Variants in RALGAPA2 observed in about 807,000 individuals in gnomAD.
RALGAPA2 encodes ral GTPase-activating protein subunit alpha-2.
RALGAPA2 carries 139 observed loss-of-function variants against 230.4 expected under a neutral mutation model. That is an observed-to-expected ratio of 0.60 (90% confidence interval 0.53 to 0.69). The LOEUF is 0.69. Among genes scored for constraint, RALGAPA2 ranks in the 30% least tolerant of loss-of-function variants. RALGAPA2 has a pLI of 0.00. For missense variants in RALGAPA2, 2,163 were observed against 2,276.0 expected, an observed-to-expected ratio of 0.95 and a Z score of 1.01; for synonymous variants, 847 against 837.8, an observed-to-expected ratio of 1.01 and a Z score of -0.19.
chr20:20,688,913 C>G (rs994108288), intron 1 of RALGAPA2, among the ~76,000 whole-genome samples: 7 of 152,168 alleles, frequency 4.6e-5, no homozygotes. Flanking sequence ...ACCCTAGATA[C>G]AGATGATAAA....
rs888426468 is a variant in RALGAPA2, at chr20:20,591,910, T to C, written c.2204-596A>G. 5.3e-5 allele frequency among the ~76,000 whole-genome samples: 8 copies of C among 152,284 alleles called. No homozygotes were observed. In the East Asian group the frequency reaches 5.8e-4, roughly 11 times the overall value. ...AAACCAATATATATGAGACATAAAA[T>C]AGAAAACCATAGCTGGGTAGGGACC... On this transcript the variant is annotated intron_variant, in intron 16 of 39. Transcript: ENST00000202677.
chr20:20,496,297 C>A (rs1602544354), intron 35 of RALGAPA2, among the ~76,000 whole-genome samples: 2 of 152,252 alleles, frequency 1.3e-5, no homozygotes, highest in East Asian at 3.9e-4. Flanking sequence ...GGTGTAAGAA[C>A]ACCCTTGATC....
At chr20:20,501,158 C>T (rs1478217389) in intron 35 of RALGAPA2, among the ~76,000 whole-genome samples, 2 of 152,234 alleles carry the variant, frequency 1.3e-5, no homozygotes, top group Non-Finnish European at 1.5e-5. Flanking sequence ...AAGTCACCAG[C>T]TGCATTAGCC....
At chr20:20,540,224 C>T (rs1416073430) in intron 24 of RALGAPA2, among the ~76,000 whole-genome samples, 1 of 152,122 alleles carries the variant, frequency 6.6e-6, no homozygotes, top group East Asian at 1.9e-4. Flanking sequence ...ACCTTCCCAC[C>T]AAAAGTGTAG....
chr20:20,660,702 C>T (rs968351735), intron 3 of RALGAPA2, among the ~76,000 whole-genome samples: 5 of 152,042 alleles, frequency 3.3e-5, no homozygotes, highest in Non-Finnish European at 7.4e-5. Flanking sequence ...GCTGTGTTCA[C>T]GATCATGCAT....
intron 37 of RALGAPA2, among the ~76,000 whole-genome samples, chr20:20,440,858 T>C (rs960039426): frequency 6.6e-6 from 1 of 152,240 alleles, no homozygotes; most frequent in Non-Finnish European, 1.5e-5. Context: ...AAATCAGTTA[T>C]TCATAAAAGA....
intron 23 of RALGAPA2, among the ~76,000 whole-genome samples, chr20:20,568,168 CTG>C (rs1280022446): frequency 6.6e-6 from 1 of 152,102 alleles, no homozygotes; most frequent in Non-Finnish European, 1.5e-5. Flanking sequence ...TATTTTGGAA[CTG>C]TTTATAATCC....
chr20:20,664,087 T>A (rs561829270), intron 3 of RALGAPA2, among the ~76,000 whole-genome samples: 17 of 152,318 alleles, frequency 1.1e-4, no homozygotes, highest in African/African-American at 3.8e-4. Context: ...ACCACACTAC[T>A]CAGAATGGCA....
chr20:20,507,586 A>C (rs1280423617), intron 33 of RALGAPA2, among the ~76,000 whole-genome samples: 1 of 152,146 alleles, frequency 6.6e-6, no homozygotes. Context: ...CAAACTCCTG[A>C]TCTCAGGTGA....
At chr20:20,545,157 G>A (rs1013777849) in intron 24 of RALGAPA2, among the ~76,000 whole-genome samples, 3 of 152,236 alleles carry the variant, frequency 2.0e-5, no homozygotes, top group Admixed American at 6.5e-5. Context: ...AAATAATGAA[G>A]TATGAAAAGT....
At chr20:20,501,850 A>G (rs1255290561) in intron 35 of RALGAPA2, among the ~76,000 whole-genome samples, 1 of 152,096 alleles carries the variant, frequency 6.6e-6, no homozygotes, top group Non-Finnish European at 1.5e-5. Flanking sequence ...GCCTAATTTC[A>G]CTACTATTGT....
chr20:20,580,945 T>TGA (rs2064966846), intron 20 of RALGAPA2, among the ~76,000 whole-genome samples: 1 of 152,206 alleles, frequency 6.6e-6, no homozygotes, highest in African/African-American at 2.4e-5. Flanking sequence ...CAGGCTCATA[T>TGA]GAGTTTTATT....
chr20:20,695,261 G>A (rs1208120481), intron 1 of RALGAPA2, among the ~76,000 whole-genome samples: 1 of 152,136 alleles, frequency 6.6e-6, no homozygotes, highest in Admixed American at 6.5e-5. Flanking sequence ...TAATGCCTTA[G>A]AATGACCTAG....
intron 1 of RALGAPA2, among the ~76,000 whole-genome samples, chr20:20,706,278 G>A (rs1484820137): frequency 6.6e-6 from 1 of 152,148 alleles, no homozygotes; most frequent in East Asian, 1.9e-4. Context: ...GATGGATGGT[G>A]TATTTGTGCT....
intron 6 of RALGAPA2, 87 bp downstream of exon 6, chr20:20,640,614 T>C (rs1355647172): frequency 7.6e-7 from 1 of 1,317,330 alleles, no homozygotes; most frequent in African/African-American, 1.5e-5. Context: ...CCATCAGGAT[T>C]TCTATTCAAG....
chr20:20,588,770 T>A (rs2065203883), intron 18 of RALGAPA2, among the ~76,000 whole-genome samples: 2 of 152,288 alleles, frequency 1.3e-5, no homozygotes, highest in South Asian at 4.1e-4. Flanking sequence ...TTTAAAAAAA[T>A]GAATAGGGGT....
At chr20:20,633,565 G>T (rs2146450962) in intron 9 of RALGAPA2, among the ~76,000 whole-genome samples, 1 of 152,236 alleles carries the variant, frequency 6.6e-6, no homozygotes, top group East Asian at 1.9e-4. Context: ...TCCGCTCAGT[G>T]CAAGCTCCGC....
At chr20:20,609,607 T>C (rs768688758) in intron 14 of RALGAPA2, among the ~76,000 whole-genome samples, 1 of 152,146 alleles carries the variant, frequency 6.6e-6, no homozygotes, top group Non-Finnish European at 1.5e-5. Flanking sequence ...GTTCTCTAAT[T>C]CCAACACACA....
chr20:20,531,741 A>G lies in RALGAPA2; in HGVS notation c.3528T>C (p.Cys1176=), dbSNP rs772237259. 1.9e-6 allele frequency: 3 copies of G among 1,608,952 alleles called. No homozygotes were observed. Among genetic ancestry groups the G allele is most frequent in the Non-Finnish European group, 1.7e-6 (2 of 1,177,582 alleles). ...GVWICEELAQ[C]TSHPQVKEAI... is the part of the protein sequence containing the mutation. ...CCTCTTTCACCTGAGGGTGGCTTGT[A>G]CACTGTGCAAGCTCTTCACATATCC... Residue 1176 remains cysteine (C), a synonymous_variant, in exon 27 of 40, where the codon TGT becomes TGC. Coordinates refer to ENST00000202677, the MANE Select transcript of RALGAPA2 (RefSeq NM_020343.4).
Sources: allele counts gnomAD v4.1 joint callset (sites outside exome capture counted in the v4.1 genomes callset), GRCh38; gene constraint gnomAD v4.1.1; transcripts MANE v1.5; gene names NCBI Gene and HGNC (gene_info 2026-07-23, HGNC 2026-07-21).